Variants in ST18 observed in about 807,000 individuals in gnomAD.
ST18 encodes the protein ST18 C2H2C-type zinc finger transcription factor.
In ST18, 50 loss-of-function variants were observed where a neutral mutation model predicts 110.0. That is an observed-to-expected ratio of 0.45 (90% CI 0.36 to 0.58). The LOEUF (loss-of-function observed/expected upper bound fraction) is 0.58, where lower values mean the gene tolerates loss of function less well. Ranked by LOEUF, ST18 falls within the 20% of genes least tolerant of loss-of-function variation. ST18 has a pLI of 0.00. For missense variants in ST18, 1,306 were observed against 1,280.1 expected (o/e 1.02, Z -0.31); for synonymous variants, 461 against 452.4 (o/e 1.02, Z -0.24).
rs188107651 is a variant in ST18, at chr8:52,339,721, C to T, written c.-465+69607G>A. 1.9e-3 allele frequency among the ~76,000 whole-genome samples: 295 copies of T among 152,368 alleles called. 3 individuals are homozygous for T. Among genetic ancestry groups the T allele is most frequent in the Non-Finnish European group, 2.2e-3 (151 of 68,048 alleles). The stretch of plus-strand genomic sequence containing the variant: ...TTGGGGCCAGCCCAAGGCCACTCCT[C>T]GTGGCCACACAAAGGGTGCTCAGGG... On this transcript the variant is annotated intron_variant, in intron 2 of 25. Transcript: ENST00000689386.
intron 2 of ST18, among the ~76,000 whole-genome samples, chr8:52,357,677 AT>A (rs1456577472): frequency 2.6e-3 from 12 of 4,600 alleles, no homozygotes; most frequent in African/African-American, 6.1e-3. Context: ...AAATCTATAA[AT>A]ATATATATAT....
chr8:52,192,033 C>G (rs977675268), intron 8 of ST18, among the ~76,000 whole-genome samples: 1 of 152,106 alleles, frequency 6.6e-6, no homozygotes, highest in Non-Finnish European at 1.5e-5. Flanking sequence ...GTGGAGTTGT[C>G]TAGTCTGTTT....
At chr8:52,116,590 G>C (rs2042633297) in intron 24 of ST18, among the ~76,000 whole-genome samples, 172 bp from the exon 25 acceptor site, 1 of 152,176 alleles carries the variant, frequency 6.6e-6, no homozygotes, top group Admixed American at 6.5e-5. Context: ...TGAAGTGCTG[G>C]AATCAAATCC....
intron 2 of ST18, among the ~76,000 whole-genome samples, chr8:52,359,791 G>C (rs1005487476): frequency 6.6e-6 from 1 of 152,106 alleles, no homozygotes; most frequent in East Asian, 1.9e-4. Flanking sequence ...TGGCACTGCT[G>C]AGATTCCTAA....
intron 2 of ST18, among the ~76,000 whole-genome samples, chr8:52,290,412 C>T (rs2095538041): frequency 6.6e-6 from 1 of 152,120 alleles, no homozygotes; most frequent in Admixed American, 6.5e-5. Flanking sequence ...TGAGTAAGAG[C>T]TTGAGATGAT....
At chr8:52,342,331 A>G (rs549461806) in intron 2 of ST18, among the ~76,000 whole-genome samples, 2 of 152,010 alleles carry the variant, frequency 1.3e-5, no homozygotes, top group Non-Finnish European at 2.9e-5. Flanking sequence ...GAAAGAAAAA[A>G]GAAAAAGACT....
intron 15 of ST18, among the ~76,000 whole-genome samples, chr8:52,150,421 C>T (rs2058530711): frequency 1.3e-5 from 2 of 152,194 alleles, no homozygotes; most frequent in South Asian, 4.1e-4. Flanking sequence ...GCATGTATAA[C>T]TTTCCAACCC....
chr8:52,253,096 C>CT (rs1161327460), intron 2 of ST18, among the ~76,000 whole-genome samples: 4 of 151,324 alleles, frequency 2.6e-5, no homozygotes, highest in South Asian at 2.1e-4. Context: ...GTTGATAGAA[C>CT]TTTTTTTTCT....
At chr8:52,180,899 T>C (rs1416468649) in intron 8 of ST18, among the ~76,000 whole-genome samples, 3 of 152,248 alleles carry the variant, frequency 2.0e-5, no homozygotes, top group Non-Finnish European at 4.4e-5. Flanking sequence ...CATGGCATTC[T>C]GCCTTCTGAT....
intron 2 of ST18, among the ~76,000 whole-genome samples, chr8:52,282,608 C>G (rs898816452): frequency 1.3e-5 from 2 of 152,078 alleles, no homozygotes; most frequent in African/African-American, 4.8e-5. Flanking sequence ...CTTGTGTAGG[C>G]TGAGCACAAT....
intron 2 of ST18, among the ~76,000 whole-genome samples, chr8:52,251,986 T>A (rs2094332699): frequency 6.6e-6 from 1 of 152,116 alleles, no homozygotes; most frequent in Admixed American, 6.6e-5. Flanking sequence ...GGACAAGAAT[T>A]AATTTCAAGA....
At chr8:52,256,619 T>G (rs2094536885) in intron 2 of ST18, among the ~76,000 whole-genome samples, 1 of 152,184 alleles carries the variant, frequency 6.6e-6, no homozygotes, top group African/African-American at 2.4e-5. Context: ...GCAATAGCAT[T>G]AGTGAACCAA....
At chr8:52,368,564 G>A (rs2069162) in intron 2 of ST18, among the ~76,000 whole-genome samples, 27,030 of 152,160 alleles carry the variant, frequency 0.18, 4,285 homozygotes, top group African/African-American at 0.42. Flanking sequence ...TGGATGCTTA[G>A]TTCTTTCTGT....
intron 3 of ST18, among the ~76,000 whole-genome samples, chr8:52,227,743 T>C (rs1420057766): frequency 1.3e-5 from 2 of 152,184 alleles, no homozygotes; most frequent in South Asian, 2.1e-4. Flanking sequence ...TTGTCATTCA[T>C]ATTGTGGTTG....
chr8:52,200,314 T>C (rs1364919376), intron 8 of ST18, among the ~76,000 whole-genome samples: 1 of 152,240 alleles, frequency 6.6e-6, no homozygotes, highest in Non-Finnish European at 1.5e-5. Flanking sequence ...TGCTTGTAAT[T>C]GCAAAGGCTA....
At chr8:52,295,553 A>C (rs2095619757) in intron 2 of ST18, among the ~76,000 whole-genome samples, 1 of 152,090 alleles carries the variant, frequency 6.6e-6, no homozygotes, top group Non-Finnish European at 1.5e-5. Flanking sequence ...ATTTTGCCTG[A>C]TGCAAAATTT....
At chr8:52,292,430 A>G (rs1166914216) in intron 2 of ST18, among the ~76,000 whole-genome samples, 1 of 152,208 alleles carries the variant, frequency 6.6e-6, no homozygotes, top group Admixed American at 6.5e-5. Context: ...GATTAAATAT[A>G]TTATGTGTGC....
chr8:52,375,598 G>A (rs1162569329), intron 2 of ST18, among the ~76,000 whole-genome samples: 1 of 152,102 alleles, frequency 6.6e-6, no homozygotes, highest in Non-Finnish European at 1.5e-5. Flanking sequence ...TCCTAACTGT[G>A]GAATGCCCCA....
chr8:52,321,491 C>T (rs1266785927), intron 2 of ST18, among the ~76,000 whole-genome samples: 2 of 152,098 alleles, frequency 1.3e-5, no homozygotes, highest in Non-Finnish European at 2.9e-5. Context: ...AGACAATGGC[C>T]ACCAAGTGCA....
Sources: gnomAD v4.1 joint callset for allele counts (sites outside exome capture counted in the v4.1 genomes callset) on GRCh38, gnomAD v4.1.1 for gene constraint, MANE v1.5 for transcripts, NCBI Gene and HGNC (gene_info 2026-07-23, HGNC 2026-07-21) for gene names.